The following GALNT9 variants were observed in gnomAD, a reference collection of about 807,000 sequenced individuals.
The protein encoded by GALNT9 is GalNAc transferase 9.
Under a neutral mutation model 63.1 loss-of-function variants are expected in GALNT9, and 47 were observed. The observed-to-expected ratio is 0.75, with a 90% CI of 0.59 to 0.95. GALNT9 has a LOEUF of 0.95. Among genes scored for constraint, GALNT9 ranks in the 40% least tolerant of loss-of-function variants. GALNT9 has a pLI of 0.00. For missense variants in GALNT9, 829 were observed against 874.8 expected (o/e 0.95, Z 0.66); for synonymous variants, 396 against 365.7 (o/e 1.08, Z -0.94).
rs1171309857 is a variant in GALNT9 at position 132,319,669 on chromosome 12, C to G, written c.238+9297G>C. Among the ~76,000 whole-genome samples, 1 of 152,194 alleles carries G rather than the reference C, an allele frequency of 6.6e-6. No individual in the cohort carries two copies. The highest frequency in any genetic ancestry group is 1.5e-5 in the Non-Finnish European group (1 of 68,032). ...TTTGCTTTTCAACAGGCCTTTCCGT[C>G]TGGGGCAGGTCAACACCCCACTCCG... On this transcript the variant is annotated intron_variant, in intron 1 of 10. Coordinates refer to ENST00000328957, the MANE Select transcript of GALNT9 (RefSeq NM_001122636.2). The surrounding 1 kb of genome is among the most constrained non-coding windows in gnomAD (Gnocchi z 5.2).
chr12:132,235,699 T>C (rs1170442508), intron 6 of GALNT9, among the ~76,000 whole-genome samples: 4 of 145,274 alleles, frequency 2.8e-5, no homozygotes, highest in African/African-American at 1.1e-4. Context: ...GGGCTGGAGT[T>C]CAACCCTCGG....
chr12:132,203,197 T>C (rs531042158), intron 7 of GALNT9, among the ~76,000 whole-genome samples: 2 of 152,194 alleles, frequency 1.3e-5, no homozygotes, highest in African/African-American at 4.8e-5. Context: ...CGGCACCAGG[T>C]TGGGGAGAGG....
Position 132,329,269 on chromosome 12 carries a change from T to TC in GALNT9, c.-67dup. 1 of 1,499,314 alleles carries TC rather than the reference T, an allele frequency of 6.7e-7. No homozygotes were observed. The highest frequency in any genetic ancestry group is 8.9e-7 in the Non-Finnish European group (1 of 1,119,586). The allele number at this position is 1,499,314 out of a possible 1,614,324, so 92.9% of individuals were successfully genotyped here. On this transcript the variant is annotated 5_prime_UTR_variant, in exon 1 of 11. The change abolishes the stop of an existing upstream ORF in the 5' untranslated region. Transcript: ENST00000328957. The stretch of plus-strand genomic sequence containing the variant: ...CAGCATCCCCGCCCGGGCCTGGGCT[T>TC]CAGCTTCGGCTTCGGGGACCATGAG...
chr12:132,285,393 C>G (rs1880547457), intron 2 of GALNT9, among the ~76,000 whole-genome samples: 2 of 152,390 alleles, frequency 1.3e-5, no homozygotes, highest in South Asian at 4.1e-4. Flanking sequence ...CAAGCTCAGC[C>G]AAACTTTATC....
chr12:132,282,198 C>A lies in GALNT9; in HGVS notation c.419+4052G>T, dbSNP rs1301681775. ...AGCCCAGGCCTGGGGGTCCCTGATC[C>A]CACAGAAGAGGAATCAGCTCCACTG... On this transcript the variant is annotated intron_variant, in intron 2 of 10. Transcript: ENST00000328957. The surrounding 1 kb of genome is among the most constrained non-coding windows in gnomAD (Gnocchi z 4.5). 6.9e-6 allele frequency among the ~76,000 whole-genome samples: 1 copy of A among 143,906 alleles called. No individual in the cohort carries two copies. Among genetic ancestry groups the A allele is most frequent in the East Asian group, 2.0e-4 (1 of 4,946 alleles). 94.4% of individuals were successfully genotyped at this position (143,906 alleles called of 152,430 possible).
Position 132,257,683 on chromosome 12 carries a change from G to T in GALNT9, c.959+6C>A. 1 of 1,546,718 alleles carries T rather than the reference G, an allele frequency of 6.5e-7. No homozygotes were observed. On this transcript the variant is annotated splice_donor_region_variant and intron_variant, in intron 5 of 10. Coordinates refer to ENST00000328957, the MANE Select transcript of GALNT9 (RefSeq NM_001122636.2). ...GCCGCCCTCGACCCCTGAGGGCGCA[G>T]CTCACCTGATGGGTGCTGACTCGTC...
At chr12:132,240,719 C>T (rs2136899311) in intron 6 of GALNT9, 29 of 455,804 alleles carry the variant, frequency 6.4e-5, no homozygotes, top group Admixed American at 2.4e-5. Context: ...TGCTGGAACC[C>T]TTCTGTTTCC....
At chr12:132,219,094 C>T (rs183865569) in intron 6 of GALNT9, among the ~76,000 whole-genome samples, 311 of 152,236 alleles carry the variant, frequency 2.0e-3, no homozygotes, top group Non-Finnish European at 3.5e-3. Flanking sequence ...GCTTCTCACC[C>T]GGTCCCACCC....
rs1429889694 is a variant in GALNT9 at position 132,252,116 on chromosome 12, G to C, written c.960-4089C>G. Among the ~76,000 whole-genome samples, 7 of 152,232 alleles carry C rather than the reference G, an allele frequency of 4.6e-5. No individual in the cohort carries two copies. The highest frequency in any genetic ancestry group is 1.3e-4 in the Admixed American group (2 of 15,288). ...GGGGAGCAGGAAGAGGACTAGAACA[G>C]GGTGGAGGCCAACAGGGCAGCCACC... On this transcript the variant is annotated intron_variant, in intron 5 of 10. Transcript: ENST00000328957. The surrounding 1 kb of genome is among the most constrained non-coding windows in gnomAD (Gnocchi z 5.2).
chr12:132,273,015 T>C (rs1879925680), intron 2 of GALNT9: 1 of 152,378 alleles, frequency 6.6e-6, no homozygotes, highest in Non-Finnish European at 1.5e-5. Flanking sequence ...TCCACCTGAG[T>C]GGCTGTGAGC....
chr12:132,266,164 C>T (rs371963654), intron 2 of GALNT9, among the ~76,000 whole-genome samples: 2 of 150,958 alleles, frequency 1.3e-5, no homozygotes, highest in East Asian at 3.9e-4. Flanking sequence ...CTGACCTCGC[C>T]GTATTTCATG....
chr12:132,253,609 T>G (rs28494581), intron 5 of GALNT9, among the ~76,000 whole-genome samples: 31,198 of 152,104 alleles, frequency 0.21, 3,386 homozygotes, highest in Middle Eastern at 0.38. Context: ...TCCATGATCA[T>G]CTCTATATCT....
chr12:132,262,371 C>G (rs1032047811), intron 3 of GALNT9, 88 bp downstream of exon 3: 1 of 1,458,798 alleles, frequency 6.9e-7, no homozygotes, highest in Middle Eastern at 2.3e-4. Context: ...CTCTGTCGCT[C>G]TGCCCCCGGA....
chr12:132,268,409 T>C (rs58210829), intron 2 of GALNT9, among the ~76,000 whole-genome samples: 17,627 of 152,202 alleles, frequency 0.12, 3,379 homozygotes, highest in African/African-American at 0.4. Flanking sequence ...GAACGGATCA[T>C]TGACCTAAAT....
At chr12:132,307,463 A>G (rs1327228423) in intron 1 of GALNT9, among the ~76,000 whole-genome samples, 1 of 152,086 alleles carries the variant, frequency 6.6e-6, no homozygotes, top group Non-Finnish European at 1.5e-5. Context: ...TACAGACGAG[A>G]TTAAGTTAGA....
rs1208798179 is a variant in GALNT9 at position 132,252,559 on chromosome 12, G to A, written c.960-4532C>T. Among the ~76,000 whole-genome samples the A allele has an allele frequency of 6.6e-6, 1 of 152,146 alleles. No individual in the cohort carries two copies. Among genetic ancestry groups the A allele is most frequent in the Admixed American group, 6.5e-5 (1 of 15,276 alleles). ...AAAGAGATAAAGAGAAAACAGCTGG[G>A]CCTGGGGGGAACCACTGCCATCAAG... On this transcript the variant is annotated intron_variant, in intron 5 of 10. Transcript: ENST00000328957. The surrounding 1 kb of genome is among the most constrained non-coding windows in gnomAD (Gnocchi z 5.2).
intron 1 of GALNT9, among the ~76,000 whole-genome samples, chr12:132,288,310 A>G (rs748539126): frequency 6.6e-6 from 1 of 152,254 alleles, no homozygotes; most frequent in Non-Finnish European, 1.5e-5. Context: ...ATGAGTAAAC[A>G]AAGTGTCCGT....
At chr12:132,200,759 C>T (rs553682176) in intron 8 of GALNT9, 9 of 252,746 alleles carry the variant, frequency 3.6e-5, no homozygotes, top group African/African-American at 9.1e-5. Flanking sequence ...TGTACACATA[C>T]GTGAGAGCGT....
At chr12:132,241,157 C>A (rs1593078030) in intron 6 of GALNT9, among the ~76,000 whole-genome samples, 1 of 130,650 alleles carries the variant, frequency 7.7e-6, no homozygotes, top group Non-Finnish European at 1.6e-5. Context: ...ACCCATTACA[C>A]ACACGCCACA....
Sources: gnomAD v4.1 joint callset for allele counts (sites outside exome capture counted in the v4.1 genomes callset) on GRCh38, gnomAD v4.1.1 for gene constraint, Gnocchi (gnomAD v3.1) non-coding constraint, MANE v1.5 for transcripts, NCBI Gene and HGNC (gene_info 2026-07-23, HGNC 2026-07-21) for gene names.